The following ITK variants were observed in gnomAD, a reference collection of about 807,000 sequenced individuals.
ITK encodes the protein tyrosine-protein kinase ITK/TSK.
Under a neutral mutation model 87.6 loss-of-function variants are expected in ITK, and 45 were observed. That is an observed-to-expected ratio of 0.51 (90% CI 0.40 to 0.66). The LOEUF is 0.66. Among genes scored for constraint, ITK ranks in the 30% least tolerant of loss-of-function variants. The pLI is 0.00. For missense variants in ITK, 605 were observed against 766.3 expected (o/e 0.79, Z 2.48); for synonymous variants, 303 against 273.6 (o/e 1.11, Z -1.06).
intron 5 of ITK, among the ~76,000 whole-genome samples, chr5:157,220,799 G>T (rs911470192): frequency 6.6e-6 from 1 of 152,154 alleles, no homozygotes; most frequent in Non-Finnish European, 1.5e-5. Context: ...ATCCTGAAAA[G>T]AAATTTATAA....
rs753686927 is a variant in ITK at position 157,252,677 on chromosome 5, A to G, written c.1862A>G (p.Ter621TrpextTer1). ...GCTGAAATTGCAGAATCAGGACTTT[A>G]GTAGAGACTGAGTACCAGGCCACGG... Reference protein sequence around the residue: ...QLAEIAESGL* With the variant: ...QLAEIAESGLW The change falls in exon 17 of 17, where the codon TAG becomes TGG. Residue 621 changes from the stop codon to tryptophan (W), a stop_lost. Coordinates refer to ENST00000422843, the MANE Select transcript of ITK (RefSeq NM_005546.4). The G allele has an allele frequency of 3.7e-6, 6 of 1,609,974 alleles. No individual in the cohort carries two copies. The highest frequency in any genetic ancestry group is 3.3e-5 in the South Asian group (3 of 91,006).
chr5:157,252,850 G>C lies in ITK; in HGVS notation c.*172G>C. 1 of 663,214 alleles carries C rather than the reference G, an allele frequency of 1.5e-6. No individual in the cohort carries two copies. The highest frequency in any genetic ancestry group is 2.8e-6 in the Non-Finnish European group (1 of 361,540). 41.1% of individuals were successfully genotyped at this position (663,214 alleles called of 1,614,324 possible). On this transcript the variant is annotated 3_prime_UTR_variant, in exon 17 of 17. Transcript: ENST00000422843. ...AGCAGCATCCTGACCACAGCTGGCAGTCAAGCCACAGCTGGAGGGTCAGCC... is the reference window on the plus strand; with the variant it reads ...AGCAGCATCCTGACCACAGCTGGCACTCAAGCCACAGCTGGAGGGTCAGCC...
At chr5:157,190,438 C>G (rs163316) in intron 1 of ITK, among the ~76,000 whole-genome samples, 1 of 152,102 alleles carries the variant, frequency 6.6e-6, no homozygotes, top group East Asian at 1.9e-4. Flanking sequence ...CCAGGCACCA[C>G]GCTAGATGTG....
chr5:157,210,730 T>G (rs931397174), intron 2 of ITK, among the ~76,000 whole-genome samples: 4 of 119,390 alleles, frequency 3.4e-5, no homozygotes, highest in Non-Finnish European at 1.6e-5. Context: ...GAGTGTGATA[T>G]TCCCCTTCCT....
At chr5:157,245,701 C>T in intron 13 of ITK, 25 bp from the exon 14 acceptor site, 3 of 1,608,310 alleles carry the variant, frequency 1.9e-6, no homozygotes, top group Non-Finnish European at 2.6e-6. Context: ...TCCTCTCCGC[C>T]TTTGTTTGCC....
chr5:157,185,773 G>A (rs1753629998), intron 1 of ITK, among the ~76,000 whole-genome samples: 1 of 152,024 alleles, frequency 6.6e-6, no homozygotes, highest in Non-Finnish European at 1.5e-5. Context: ...GAGCCCAGGA[G>A]GTTGAGACTG....
chr5:157,230,854 A>G (rs1224374975), intron 7 of ITK, among the ~76,000 whole-genome samples: 2 of 152,230 alleles, frequency 1.3e-5, no homozygotes, highest in African/African-American at 2.4e-5. Context: ...AAGGTATTTT[A>G]AGCCATTTTA....
intron 4 of ITK, among the ~76,000 whole-genome samples, chr5:157,214,660 G>A (rs2113756073): frequency 6.6e-6 from 1 of 152,148 alleles, no homozygotes; most frequent in East Asian, 1.9e-4. Flanking sequence ...GCACAGTACA[G>A]TTTGAGGAGC....
At position 157,253,998 on chromosome 5, in the gene ITK, T is replaced by A; in HGVS notation, c.*1320T>A. The A allele has an allele frequency of 8.9e-6, 2 of 225,012 alleles. No individual in the cohort carries two copies. Among genetic ancestry groups the A allele is most frequent in the Non-Finnish European group, 1.8e-5 (2 of 112,834 alleles). 13.9% of individuals were successfully genotyped at this position (225,012 alleles called of 1,614,324 possible). A position where few individuals can be genotyped will look rare whatever the true frequency, so the allele number is the denominator to read the frequency against. ...TTTACAAATAATGTAACTGAGGCTTTAAAAAGCCAAGACATCTGCCCAAAG... is the reference window on the plus strand; with the variant it reads ...TTTACAAATAATGTAACTGAGGCTTAAAAAAGCCAAGACATCTGCCCAAAG... On this transcript the variant is annotated 3_prime_UTR_variant, in exon 17 of 17. Transcript: ENST00000422843.
chr5:157,203,227 T>G (rs1317996108), intron 1 of ITK, among the ~76,000 whole-genome samples: 1 of 152,272 alleles, frequency 6.6e-6, no homozygotes, highest in Non-Finnish European at 1.5e-5. Context: ...TCTATCATGT[T>G]CATCAGTTCA....
At chr5:157,215,298 C>T (rs542114301) in intron 4 of ITK, among the ~76,000 whole-genome samples, 9 of 152,220 alleles carry the variant, frequency 5.9e-5, no homozygotes, top group South Asian at 2.1e-4. Context: ...TTCTTTTGTG[C>T]GCTAAAACTT....
At chr5:157,205,863 G>A (rs1009619573) in intron 1 of ITK, among the ~76,000 whole-genome samples, 1 of 151,630 alleles carries the variant, frequency 6.6e-6, no homozygotes, top group Non-Finnish European at 1.5e-5. Context: ...TGAGATAATC[G>A]TGATTTCTGC....
At chr5:157,199,463 C>T (rs1287689624) in intron 1 of ITK, 1 of 152,190 alleles carries the variant, frequency 6.6e-6, no homozygotes, top group Non-Finnish European at 1.5e-5. Flanking sequence ...TGCAATCCAG[C>T]ATAAGCATTG....
At chr5:157,238,007 G>A in intron 8 of ITK, 102 bp from the exon 9 acceptor site, 1 of 808,756 alleles carries the variant, frequency 1.2e-6, no homozygotes, top group South Asian at 1.4e-5. Flanking sequence ...ATGCCAAGTG[G>A]GCCTACAGTA....
chr5:157,207,328 T>A (rs903461378), intron 1 of ITK, among the ~76,000 whole-genome samples: 1 of 139,840 alleles, frequency 7.2e-6, no homozygotes, highest in African/African-American at 2.6e-5. Flanking sequence ...GGAAACACCC[T>A]CACAGACACA....
At chr5:157,236,910 G>T (rs1234705109) in intron 8 of ITK, among the ~76,000 whole-genome samples, 1 of 152,030 alleles carries the variant, frequency 6.6e-6, no homozygotes, top group Non-Finnish European at 1.5e-5. Context: ...TTCTCATTCT[G>T]GAAAGGGCCT....
At chr5:157,187,563 C>T (rs1483909197) in intron 1 of ITK, among the ~76,000 whole-genome samples, 1 of 152,130 alleles carries the variant, frequency 6.6e-6, no homozygotes, top group Non-Finnish European at 1.5e-5. Context: ...GTAACAAAGA[C>T]TCCCTGGAGG....
At chr5:157,231,884 CT>C (rs1754661001) in intron 7 of ITK, among the ~76,000 whole-genome samples, 3 of 152,168 alleles carry the variant, frequency 2.0e-5, no homozygotes, top group Non-Finnish European at 4.4e-5. Flanking sequence ...AACTTTCAAA[CT>C]GGTATTACAA....
chr5:157,189,949 C>T (rs1470297283), intron 1 of ITK, among the ~76,000 whole-genome samples: 1 of 152,136 alleles, frequency 6.6e-6, no homozygotes, highest in African/African-American at 2.4e-5. Flanking sequence ...ATCCAGAGGT[C>T]AGTTTGGGTT....
Sources: allele counts gnomAD v4.1 joint callset (sites outside exome capture counted in the v4.1 genomes callset), GRCh38; gene constraint gnomAD v4.1.1; transcripts MANE v1.5; gene names NCBI Gene and HGNC (gene_info 2026-07-23, HGNC 2026-07-21).